Variants in GCNT2 observed in about 807,000 individuals in gnomAD.
GCNT2 encodes N-acetyllactosaminide beta-1,6-N-acetylglucosaminyl-transferase.
Under a neutral mutation model 34.2 loss-of-function variants are expected in GCNT2, and 34 were observed. The ratio of observed to expected loss-of-function variants is 1.00; its 90% CI spans 0.76 to 1.32. The LOEUF is 1.32. Ranked by LOEUF, GCNT2 falls within the 40% of genes most tolerant of loss-of-function variation. The pLI is 0.00. For synonymous variants in GCNT2, 212 were observed against 188.0 expected, an observed-to-expected ratio of 1.13 and a Z score of -1.04; for missense variants, 584 against 489.4, an observed-to-expected ratio of 1.19 and a Z score of -1.82.
chr6:10,529,107 A>G lies in GCNT2; in HGVS notation c.196A>G (p.Lys66Glu), dbSNP rs200617444. 162 of 1,614,118 alleles carry G rather than the reference A, an allele frequency of 1.0e-4. 1 individual carries two copies. The Admixed American group carries it at 1.8e-3, about 18-fold the overall frequency. The stretch of plus-strand genomic sequence containing the variant: ...TTTTTACCCAACAGAAAATGCATTG[A>G]AAACTACCCTTGATGAAGCTACCTG... The part of the protein sequence containing the change: ...KVFYPTENAL[K>E]TTLDEATCYE... Residue 66 changes from lysine (K) to glutamate (E), a missense_variant, in exon 3 of 5, where the codon AAA becomes GAA. Transcript: ENST00000495262.
intron 3 of GCNT2, among the ~76,000 whole-genome samples, chr6:10,590,639 C>T (rs1424612634): frequency 6.6e-6 from 1 of 151,742 alleles, no homozygotes; most frequent in African/African-American, 2.4e-5. Context: ...CTGCAACCTC[C>T]GCCTCTCAGG....
intron 3 of GCNT2, chr6:10,557,351 A>G (rs768216960): frequency 6.9e-6 from 11 of 1,602,758 alleles, no homozygotes; most frequent in East Asian, 2.2e-5. Context: ...AGGTACGTAC[A>G]ATTCCATATT....
At chr6:10,565,942 A>G (rs1763261323) in intron 3 of GCNT2, among the ~76,000 whole-genome samples, 1 of 152,132 alleles carries the variant, frequency 6.6e-6, no homozygotes, top group East Asian at 1.9e-4. Context: ...GAAGCTGTGT[A>G]TGGATTCCCT....
At chr6:10,560,676 T>C (rs1043591847) in intron 3 of GCNT2, among the ~76,000 whole-genome samples, 1 of 151,998 alleles carries the variant, frequency 6.6e-6, no homozygotes, top group African/African-American at 2.4e-5. Context: ...CGGTTCGAAT[T>C]GGCGAGACTG....
chr6:10,582,316 ATAT>A (rs1561816375), intron 3 of GCNT2, among the ~76,000 whole-genome samples: 2 of 109,206 alleles, frequency 1.8e-5, no homozygotes, highest in South Asian at 2.3e-4. Context: ...ATATATAGTA[ATAT>A]TAAATATAAT....
At position 10,604,876 on chromosome 6, in the gene GCNT2, A is replaced by G. The variant is rs1581473534; in HGVS notation, c.926-16475A>G. On this transcript the variant is annotated intron_variant, in intron 3 of 4. Transcript: ENST00000495262. ...CTTGTCTCAAAAAAAAGAAAAAGAAAAAGAAAGAAAAATGTATTATCTTTA... is the reference window on the plus strand; with the variant it reads ...CTTGTCTCAAAAAAAAGAAAAAGAAGAAGAAAGAAAAATGTATTATCTTTA... Among the ~76,000 whole-genome samples, 11 of 86,146 alleles carry G rather than the reference A, an allele frequency of 1.3e-4. No individual in the cohort carries two copies. In the East Asian group the frequency reaches 4.1e-3, roughly 32 times the overall value. 56.5% of individuals were successfully genotyped at this position (86,146 alleles called of 152,430 possible).
rs1459258215 is a variant in GCNT2 at position 10,616,250 on chromosome 6, G to C, written c.926-5101G>C. 2.6e-5 allele frequency among the ~76,000 whole-genome samples: 4 copies of C among 152,178 alleles called. No individual in the cohort carries two copies. In the East Asian group the frequency reaches 7.7e-4, roughly 29 times the overall value. On this transcript the variant is annotated intron_variant, in intron 3 of 4. Coordinates refer to ENST00000495262, the MANE Select transcript of GCNT2 (RefSeq NM_145649.5). ...TACCAGTGGGTTCGTGGTTTTGCTG[G>C]CTTCAGGAGTAAAGTTGCAGACCTT...
intron 3 of GCNT2, chr6:10,586,275 C>T (rs866025143): frequency 6.2e-7 from 1 of 1,614,182 alleles, no homozygotes; most frequent in Non-Finnish European, 8.5e-7. Flanking sequence ...GGCTGCATTC[C>T]CTTTGGCCTA....
rs556726685 is a variant in GCNT2, at chr6:10,528,741, A to G, written c.-171A>G. On this transcript the variant is annotated 5_prime_UTR_variant, in exon 3 of 5. Transcript: ENST00000495262. Reference sequence around the variant, plus strand: ...AACCTAGTGGTAAGTGAAGAGGGGAAGAAGAAAGAAAAAGGACCAGAACCG... The same window carrying G: ...AACCTAGTGGTAAGTGAAGAGGGGAGGAAGAAAGAAAAAGGACCAGAACCG... 1.9e-4 allele frequency: 121 copies of G among 649,760 alleles called. No individual in the cohort carries two copies. The highest frequency in any genetic ancestry group is 1.8e-3 in the African/African-American group (101 of 55,016). 40.2% of individuals were successfully genotyped at this position (649,760 alleles called of 1,614,324 possible). A position where few individuals can be genotyped will look rare whatever the true frequency, so the allele number is the denominator to read the frequency against.
intron 3 of GCNT2, among the ~76,000 whole-genome samples, chr6:10,567,586 C>A (rs1258891984): frequency 1.3e-5 from 2 of 152,158 alleles, no homozygotes; most frequent in African/African-American, 4.8e-5. Flanking sequence ...GCAACCTCAC[C>A]TCTGTGTAAG....
At chr6:10,579,013 A>G (rs942370446) in intron 3 of GCNT2, among the ~76,000 whole-genome samples, 1 of 152,194 alleles carries the variant, frequency 6.6e-6, no homozygotes, top group Admixed American at 6.5e-5. Flanking sequence ...ACATCAAACT[A>G]TAGGAATTCA....
intron 3 of GCNT2, among the ~76,000 whole-genome samples, chr6:10,597,887 A>G (rs184990544): frequency 8.2e-4 from 125 of 152,388 alleles, no homozygotes; most frequent in African/African-American, 2.5e-3. Flanking sequence ...ATGGAAAGTA[A>G]GGATTATGAG....
At chr6:10,559,763 A>AT (rs1474122393) in intron 3 of GCNT2, among the ~76,000 whole-genome samples, 3 of 152,234 alleles carry the variant, frequency 2.0e-5, no homozygotes, top group African/African-American at 7.2e-5. Flanking sequence ...GTCCTGTCTG[A>AT]TTCTGCAAGG....
Position 10,596,026 on chromosome 6 carries a change from T to C in GCNT2, c.926-25325T>C, listed in dbSNP as rs780510844. ...TCTTTTCAAAGAAAATGCAAAATTC[T>C]GATATTCCAGACTAAGGCTTTCTCC... is the stretch of plus-strand genomic sequence containing the variant. On this transcript the variant is annotated intron_variant, in intron 3 of 4. Transcript: ENST00000495262. 4.7e-4 allele frequency among the ~76,000 whole-genome samples: 72 copies of C among 152,222 alleles called. 1 individual carries two copies. Among genetic ancestry groups the C allele is most frequent in the Non-Finnish European group, 1.5e-4 (10 of 68,046 alleles).
chr6:10,581,909 C>T, intron 3 of GCNT2: 1 of 975,178 alleles, frequency 1.0e-6, no homozygotes, highest in Non-Finnish European at 1.2e-6. Flanking sequence ...GGATTGTTCC[C>T]TTCATACAGT....
At chr6:10,598,776 C>T (rs997281995) in intron 3 of GCNT2, among the ~76,000 whole-genome samples, 1 of 152,106 alleles carries the variant, frequency 6.6e-6, no homozygotes, top group Non-Finnish European at 1.5e-5. Context: ...CCTCTGGAGC[C>T]GGATCATTTG....
At chr6:10,600,614 G>A (rs893920161) in intron 3 of GCNT2, among the ~76,000 whole-genome samples, 5 of 152,122 alleles carry the variant, frequency 3.3e-5, no homozygotes, top group East Asian at 1.9e-4. Flanking sequence ...TGCCTTTTCC[G>A]GAAAGTCATA....
At chr6:10,619,096 TAATTC>T (rs1429376981) in intron 3 of GCNT2, 1 of 152,214 alleles carries the variant, frequency 6.6e-6, no homozygotes, top group Admixed American at 6.5e-5. Context: ...TTTAAAAGCC[TAATTC>T]AATTAAATTT....
rs538364695 is a variant in GCNT2, at chr6:10,543,204, G to C, written c.925+13368G>C. On this transcript the variant is annotated intron_variant, in intron 3 of 4. Coordinates refer to ENST00000495262, the MANE Select transcript of GCNT2 (RefSeq NM_145649.5). ...ATTACAGGAGTGAGCCACCACGCCCGGCCCTTTTTTTTAAATTGAGACAGA... is the reference window on the plus strand; with the variant it reads ...ATTACAGGAGTGAGCCACCACGCCCCGCCCTTTTTTTTAAATTGAGACAGA... Among the ~76,000 whole-genome samples the C allele has an allele frequency of 5.5e-5, 8 of 145,248 alleles. No individual in the cohort carries two copies. The South Asian group carries it at 1.3e-3, about 24-fold the overall frequency.
Sources: allele counts gnomAD v4.1 joint callset (sites outside exome capture counted in the v4.1 genomes callset), GRCh38; gene constraint gnomAD v4.1.1; transcripts MANE v1.5; gene names NCBI Gene and HGNC (gene_info 2026-07-23, HGNC 2026-07-21).